SH3BGRL2: variants seen among roughly 807,000 people sequenced by gnomAD.
SH3BGRL2 encodes SH3 domain binding glutamate rich protein like 2, also known as SH3 domain-binding glutamic acid-rich-like protein 2.
Under a neutral mutation model 14.8 loss-of-function variants are expected in SH3BGRL2, and 21 were observed. The ratio of observed to expected loss-of-function variants is 1.42; its 90% CI spans 1.01 to 2.05. The LOEUF (loss-of-function observed/expected upper bound fraction) is 2.05. SH3BGRL2 is among the 30% of genes most tolerant of loss of function. The pLI, the probability that SH3BGRL2 is intolerant of heterozygous loss-of-function variation, is 0.00. For synonymous variants in SH3BGRL2, 50 were observed against 47.8 expected (o/e 1.05, Z -0.19); for missense variants, 147 against 130.8 (o/e 1.12, Z -0.61).
rs557316903 is a variant in SH3BGRL2 at position 79,685,038 on chromosome 6, T to C, written c.231+11239T>C. 7.0e-4 allele frequency among the ~76,000 whole-genome samples: 106 copies of C among 152,382 alleles called. 2 individuals are homozygous for C. The South Asian group carries it at 0.013, about 19-fold the overall frequency. ...AGCAATGTAATTAGATATTCTCTGCTGTTTTATCTTTTCAGTATAACTCTA... is the reference window on the plus strand; with the variant it reads ...AGCAATGTAATTAGATATTCTCTGCCGTTTTATCTTTTCAGTATAACTCTA... On this transcript the variant is annotated intron_variant, in intron 2 of 3. Coordinates refer to ENST00000369838, the MANE Select transcript of SH3BGRL2 (RefSeq NM_031469.4).
chr6:79,647,938 C>T (rs1042058934), intron 1 of SH3BGRL2, among the ~76,000 whole-genome samples: 2 of 151,522 alleles, frequency 1.3e-5, no homozygotes, highest in Non-Finnish European at 2.9e-5. Flanking sequence ...TATGTATTTC[C>T]TGTAGTGTGA....
the SH3BGRL2 span, among the ~76,000 whole-genome samples, chr6:79,576,949 A>G: frequency 2.0e-5 from 3 of 152,302 alleles, no homozygotes; most frequent in South Asian, 6.2e-4. Context: ...TGCATGTCTC[A>G]GTGTACATTT....
At chr6:79,657,160 CT>C (rs542703606) in intron 1 of SH3BGRL2, among the ~76,000 whole-genome samples, 46 of 147,256 alleles carry the variant, frequency 3.1e-4, no homozygotes, top group Admixed American at 4.1e-4. Context: ...GACTATGGAA[CT>C]TTTTTTTTTT....
chr6:79,689,308 C>T (rs1385268049), intron 2 of SH3BGRL2, among the ~76,000 whole-genome samples: 2 of 151,808 alleles, frequency 1.3e-5, no homozygotes, highest in Non-Finnish European at 2.9e-5. Flanking sequence ...TGATAGGGCA[C>T]TGAATTAAAG....
chr6:79,633,057 A>G (rs1214092131), intron 1 of SH3BGRL2, among the ~76,000 whole-genome samples: 1 of 152,212 alleles, frequency 6.6e-6, no homozygotes, highest in Non-Finnish European at 1.5e-5. Context: ...ATTAGTAGGT[A>G]GTATATTGAG....
Position 79,699,957 on chromosome 6 carries a change from G to T in SH3BGRL2, c.*448G>T. The stretch of plus-strand genomic sequence containing the variant: ...AATCTTTGAATCAGAAGGAAAAAAA[G>T]CAGCGCTGGTTGACAAAGGGTGTTG... On this transcript the variant is annotated 3_prime_UTR_variant, in exon 4 of 4. Transcript: ENST00000369838. 6.1e-6 allele frequency: 1 copy of T among 163,558 alleles called. No homozygotes were observed. Among genetic ancestry groups the T allele is most frequent in the Non-Finnish European group, 1.3e-5 (1 of 76,108 alleles). 10.1% of individuals were successfully genotyped at this position (163,558 alleles called of 1,614,324 possible).
At chr6:79,556,990 CAT>C in the SH3BGRL2 span, among the ~76,000 whole-genome samples, 34 of 151,808 alleles carry the variant, frequency 2.2e-4, no homozygotes, top group African/African-American at 3.6e-4. Flanking sequence ...AAAAGTCAAA[CAT>C]GTGATTTCAG....
chr6:79,542,151 G>T, the SH3BGRL2 span, among the ~76,000 whole-genome samples: 1 of 152,162 alleles, frequency 6.6e-6, no homozygotes, highest in Non-Finnish European at 1.5e-5. Flanking sequence ...ACTTCTGCTG[G>T]TGGCCATCAT....
the SH3BGRL2 span, among the ~76,000 whole-genome samples, chr6:79,598,746 C>T: frequency 0.29 from 44,568 of 151,888 alleles, 6,889 homozygotes; most frequent in Non-Finnish European, 0.35. Context: ...GTAAGGTAGA[C>T]GAATTATATC....
At chr6:79,667,761 A>G (rs1309953209) in intron 1 of SH3BGRL2, among the ~76,000 whole-genome samples, 1 of 152,108 alleles carries the variant, frequency 6.6e-6, no homozygotes, top group Non-Finnish European at 1.5e-5. Flanking sequence ...GCTAAACTTA[A>G]TTTAGCAGTT....
Position 79,673,253 on chromosome 6 carries a change from A to G in SH3BGRL2, c.46-361A>G, listed in dbSNP as rs188222017. On this transcript the variant is annotated intron_variant, in intron 1 of 3. Coordinates refer to ENST00000369838, the MANE Select transcript of SH3BGRL2 (RefSeq NM_031469.4). ...CCAAGCTACCTGAATTGTGCTCCAGAGTTCTGGGGAGTCTAGGTTGAAGAA... is the reference window on the plus strand; with the variant it reads ...CCAAGCTACCTGAATTGTGCTCCAGGGTTCTGGGGAGTCTAGGTTGAAGAA... Among the ~76,000 whole-genome samples, 147 of 151,730 alleles carry G rather than the reference A, an allele frequency of 9.7e-4. 1 individual carries two copies. The highest frequency in any genetic ancestry group is 3.4e-3 in the African/African-American group (140 of 41,392).
intron 1 of SH3BGRL2, among the ~76,000 whole-genome samples, chr6:79,658,726 C>G (rs1179501249): frequency 1.3e-5 from 2 of 152,252 alleles, no homozygotes; most frequent in Admixed American, 1.3e-4. Context: ...ACACTGTCTT[C>G]TACAATAGTT....
the SH3BGRL2 span, among the ~76,000 whole-genome samples, chr6:79,569,190 C>G: frequency 6.6e-6 from 1 of 152,122 alleles, no homozygotes; most frequent in Non-Finnish European, 1.5e-5. Context: ...GGTCATAAGT[C>G]AATTCAAAGA....
rs752182712 is a variant in SH3BGRL2 at position 79,648,279 on chromosome 6, T to TATATATATATATATATAA, written c.45+16777_45+16778insATATATATATATAAATAT. Among the ~76,000 whole-genome samples the TATATATATATATATATAA allele has an allele frequency of 7.8e-3, 916 of 117,124 alleles. 19 individuals are homozygous for TATATATATATATATATAA. Among genetic ancestry groups the TATATATATATATATATAA allele is most frequent in the Middle Eastern group, 0.017 (4 of 230 alleles). The allele number at this position is 117,124 out of a possible 152,430, so 76.8% of individuals were successfully genotyped here. On this transcript the variant is annotated intron_variant, in intron 1 of 3. Transcript: ENST00000369838. Reference sequence around the variant, plus strand: ...GCATATATATATATATATATATATATATATTTGACATATATTATATATAAT... The same window carrying TATATATATATATATATAA: ...GCATATATATATATATATATATATATATATATATATATATATAAATATTTGACATATATTATATATAAT...
In SH3BGRL2 at chr6:79,699,463, C is replaced by CTTTTT. The variant is rs35728679; in HGVS notation, c.313-9_313-5dup. The CTTTTT allele has an allele frequency of 8.7e-4, 768 of 880,642 alleles. 8 individuals carry two copies. The highest frequency in any genetic ancestry group is 2.7e-3 in the Admixed American group (64 of 23,350). 54.6% of individuals were successfully genotyped at this position (880,642 alleles called of 1,614,324 possible). ...CTTGTCGATGTAATGCAATAACTGA[C>CTTTTT]TTTTTTTTTTTTTTTTTTTTTTTTT... On this transcript the variant is annotated intron_variant, in intron 3 of 3. Transcript: ENST00000369838.
At chr6:79,596,522 T>G in the SH3BGRL2 span, among the ~76,000 whole-genome samples, 1 of 152,224 alleles carries the variant, frequency 6.6e-6, no homozygotes, top group East Asian at 1.9e-4. Flanking sequence ...CTTGAACTCC[T>G]GGGCTCAAGC....
chr6:79,602,257 G>A, the SH3BGRL2 span, among the ~76,000 whole-genome samples: 1 of 152,058 alleles, frequency 6.6e-6, no homozygotes, highest in Non-Finnish European at 1.5e-5. Flanking sequence ...ATGAGACAGA[G>A]GATAAACAAG....
chr6:79,625,619 C>A, the SH3BGRL2 span, among the ~76,000 whole-genome samples: 1 of 152,134 alleles, frequency 6.6e-6, no homozygotes, highest in Non-Finnish European at 1.5e-5. Context: ...ACACATGAAA[C>A]AAATATTTAT....
the SH3BGRL2 span, among the ~76,000 whole-genome samples, chr6:79,605,043 C>G: frequency 6.6e-6 from 1 of 152,180 alleles, no homozygotes; most frequent in African/African-American, 2.4e-5. Context: ...TTCATCTCCC[C>G]TAGAATTTGG....
Sources: allele counts gnomAD v4.1 joint callset (sites outside exome capture counted in the v4.1 genomes callset), GRCh38; gene constraint gnomAD v4.1.1; transcripts MANE v1.5; gene names NCBI Gene and HGNC (gene_info 2026-07-23, HGNC 2026-07-21).